EPS15L1: variants seen among roughly 807,000 people sequenced by gnomAD.
EPS15L1 encodes epidermal growth factor receptor substrate 15-like 1.
Under a neutral mutation model 117.1 loss-of-function variants are expected in EPS15L1, and 43 were observed. The ratio of observed to expected loss-of-function variants is 0.37; its 90% CI spans 0.29 to 0.47. The LOEUF is 0.47. Ranked by LOEUF, EPS15L1 falls within the 20% of genes least tolerant of loss-of-function variation. The pLI is 0.99. For missense variants in EPS15L1, 981 were observed against 1,164.0 expected, an observed-to-expected ratio of 0.84 and a Z score of 2.29; for synonymous variants, 459 against 470.5, an observed-to-expected ratio of 0.98 and a Z score of 0.32.
Position 16,441,938 on chromosome 19 carries a change from G to T in EPS15L1, c.119C>A (p.Ala40Glu). The T allele has an allele frequency of 6.2e-7, 1 of 1,614,058 alleles. No individual in the cohort carries two copies. Among genetic ancestry groups the T allele is most frequent in the Non-Finnish European group, 8.5e-7 (1 of 1,179,952 alleles). ...YTGRVGASEA[A>E]LFLKKSGLSD... ...GAGGCCAGACTTCTTTAGAAAAAGC[G>T]CAGCTTCACTCGCCCCCACCCTCCC... is the stretch of plus-strand genomic sequence containing the variant. Residue 40 changes from alanine (A) to glutamate (E), a missense_variant, in exon 3 of 24, where the codon GCG (alanine) becomes GAG (glutamate). This residue lies in a region of EPS15L1 where 62 missense variants were observed against 104.2 expected (regional missense o/e 0.59). Coordinates refer to ENST00000455140, the MANE Select transcript of EPS15L1 (RefSeq NM_001258374.3).
At chr19:16,428,835 C>CA in intron 7 of EPS15L1, 74 bp from the exon 8 acceptor site, 1 of 1,206,682 alleles carries the variant, frequency 8.3e-7, no homozygotes. Flanking sequence ...TGCCGGAACT[C>CA]AGACTCTCAG....
At chr19:16,460,109 T>C (rs1379243796) in intron 1 of EPS15L1, among the ~76,000 whole-genome samples, 1 of 152,062 alleles carries the variant, frequency 6.6e-6, no homozygotes, top group Non-Finnish European at 1.5e-5. Context: ...ACCCTAGCCC[T>C]ACAAAAATTA....
chr19:16,455,564 T>C (rs1160046068), intron 1 of EPS15L1, among the ~76,000 whole-genome samples: 2 of 152,254 alleles, frequency 1.3e-5, no homozygotes, highest in East Asian at 1.9e-4. Context: ...TCTACACCTA[T>C]GGGCTGTGTT....
At chr19:16,418,180 C>A in intron 10 of EPS15L1, 76 bp from the exon 11 acceptor site, 7 of 1,487,284 alleles carry the variant, frequency 4.7e-6, no homozygotes, top group Non-Finnish European at 6.4e-6. Flanking sequence ...CGATCCCTTG[C>A]TTTTCAAAAA....
intron 1 of EPS15L1, among the ~76,000 whole-genome samples, chr19:16,466,019 T>G (rs1337603224): frequency 6.7e-6 from 1 of 150,138 alleles, no homozygotes; most frequent in East Asian, 2.0e-4. Context: ...GACAGAGTCT[T>G]GCTCTGTCAC....
In EPS15L1 at chr19:16,370,591, C is replaced by T. The variant is rs1599533689; in HGVS notation, c.2380+6531G>A. On this transcript the variant is annotated intron_variant, in intron 22 of 23. Coordinates refer to ENST00000455140, the MANE Select transcript of EPS15L1 (RefSeq NM_001258374.3). This position sits in a 1 kb window ranked among gnomAD's most constrained non-coding sequence, Gnocchi z 5.2. ...AACACCAGATGATAATCGAGTCACA[C>T]GACACTCCCTGGATCCGCCTCTGGG... Among the ~76,000 whole-genome samples the T allele has an allele frequency of 6.6e-6, 1 of 152,162 alleles. No individual in the cohort carries two copies. The highest frequency in any genetic ancestry group is 1.5e-5 in the Non-Finnish European group (1 of 68,028).
chr19:16,399,520 G>A (rs1183603646), intron 16 of EPS15L1, among the ~76,000 whole-genome samples: 1 of 152,172 alleles, frequency 6.6e-6, no homozygotes, highest in East Asian at 1.9e-4. Flanking sequence ...CCGCCCTTTA[G>A]AGGAGTGCTG....
At chr19:16,416,879 C>T (rs1052236518) in intron 12 of EPS15L1, among the ~76,000 whole-genome samples, 1 of 152,124 alleles carries the variant, frequency 6.6e-6, no homozygotes, top group Non-Finnish European at 1.5e-5. Flanking sequence ...TTTCTTTATA[C>T]CAGACTCTAA....
At position 16,403,692 on chromosome 19, in the gene EPS15L1, T is replaced by C. The variant is rs763776025; in HGVS notation, c.1626+41A>G. Reference sequence around the variant, plus strand: ...GGCAGCCTCGGCTCTTGGGGCTCGCTGGTCCCTGGCATGTGGCAGGGACCC... The same window carrying C: ...GGCAGCCTCGGCTCTTGGGGCTCGCCGGTCCCTGGCATGTGGCAGGGACCC... On this transcript the variant is annotated intron_variant, in intron 15 of 23. Transcript: ENST00000455140. The C allele has an allele frequency of 4.5e-6, 7 of 1,572,748 alleles. No homozygotes were observed. In the African/African-American group the frequency reaches 9.5e-5, roughly 21 times the overall value.
intron 9 of EPS15L1, 106 bp downstream of exon 9, chr19:16,424,977 G>C (rs562714139): frequency 1.9e-6 from 2 of 1,057,488 alleles, no homozygotes; most frequent in East Asian, 2.4e-5. Flanking sequence ...ATTTTTTAAA[G>C]ACATTTCATC....
intron 21 of EPS15L1, among the ~76,000 whole-genome samples, chr19:16,380,762 A>C (rs982664677): frequency 4.6e-5 from 7 of 152,256 alleles, no homozygotes; most frequent in Non-Finnish European, 8.8e-5. Context: ...AGTTGCACAG[A>C]CATGGCCGTT....
intron 19 of EPS15L1, among the ~76,000 whole-genome samples, chr19:16,390,174 T>C (rs1294230633): frequency 1.3e-5 from 2 of 151,344 alleles, no homozygotes; most frequent in East Asian, 3.9e-4. Flanking sequence ...TGAAAGTAAA[T>C]GGTTGAAAAA....
At chr19:16,410,720 G>A (rs964653946) in intron 13 of EPS15L1, among the ~76,000 whole-genome samples, 1 of 152,042 alleles carries the variant, frequency 6.6e-6, no homozygotes, top group Non-Finnish European at 1.5e-5. Context: ...AGACCAACCT[G>A]GACAACACAG....
intron 1 of EPS15L1, among the ~76,000 whole-genome samples, chr19:16,457,402 G>GC (rs1047955564): frequency 1.3e-5 from 2 of 152,110 alleles, no homozygotes; most frequent in African/African-American, 4.8e-5. Context: ...GACCTGGAAG[G>GC]CCCCCCCTCC....
At chr19:16,455,580 A>T (rs2093187684) in intron 1 of EPS15L1, among the ~76,000 whole-genome samples, 1 of 152,210 alleles carries the variant, frequency 6.6e-6, no homozygotes, top group Non-Finnish European at 1.5e-5. Flanking sequence ...GTGTTCTCCC[A>T]TCTTGCTTCA....
intron 22 of EPS15L1, among the ~76,000 whole-genome samples, chr19:16,364,082 G>A (rs1033943717): frequency 2.0e-5 from 3 of 152,202 alleles, no homozygotes; most frequent in African/African-American, 7.2e-5. Flanking sequence ...CCATCTAAGA[G>A]GCTCCTCCTC....
chr19:16,414,828 G>A (rs773531956), intron 12 of EPS15L1, among the ~76,000 whole-genome samples: 3 of 150,996 alleles, frequency 2.0e-5, no homozygotes, highest in African/African-American at 7.3e-5. Context: ...TCCCACCTTA[G>A]CCTCCTGAGT....
intron 1 of EPS15L1, among the ~76,000 whole-genome samples, chr19:16,470,022 C>G (rs1015919807): frequency 6.6e-5 from 10 of 152,162 alleles, no homozygotes; most frequent in African/African-American, 2.2e-4. Context: ...CATTTCCAAA[C>G]GAAGAAAACC....
At chr19:16,421,208 G>T in intron 10 of EPS15L1, 111 bp downstream of exon 10, 1 of 1,215,380 alleles carries the variant, frequency 8.2e-7, no homozygotes, top group Non-Finnish European at 1.1e-6. Flanking sequence ...CAGACACAGC[G>T]GAAGCCTGTG....
Sources: allele counts gnomAD v4.1 joint callset (sites outside exome capture counted in the v4.1 genomes callset), GRCh38; gene constraint gnomAD v4.1.1; regional missense constraint gnomAD v4.1.1; non-coding constraint Gnocchi (gnomAD v3.1); transcripts MANE v1.5; gene names NCBI Gene and HGNC (gene_info 2026-07-23, HGNC 2026-07-21).